Variants in CELF1 observed in about 807,000 individuals in gnomAD.
The protein encoded by CELF1 is 50 kDa nuclear polyadenylated RNA-binding protein.
In CELF1, 10 loss-of-function variants were observed where a neutral mutation model predicts 61.8. That is an observed-to-expected ratio of 0.16 (90% CI 0.10 to 0.27). The LOEUF is 0.27. CELF1 is among the 10% of genes least tolerant of loss of function. The probability of loss-of-function intolerance (pLI) is 1.00; values close to 1 mark genes in which losing one functional copy is unlikely to be tolerated. For missense variants in CELF1, 380 were observed against 639.1 expected (o/e 0.59, Z 4.37); for synonymous variants, 236 against 225.1 (o/e 1.05, Z -0.43).
chr11:47,521,243 C>G (rs59454361), intron 1 of CELF1, among the ~76,000 whole-genome samples: 2 of 152,178 alleles, frequency 1.3e-5, no homozygotes, highest in African/African-American at 4.8e-5. Flanking sequence ...CTGAGAGAGA[C>G]TCCGTCTCCA....
intron 1 of CELF1, among the ~76,000 whole-genome samples, chr11:47,508,206 A>C: frequency 6.6e-6 from 1 of 152,214 alleles, no homozygotes; most frequent in Non-Finnish European, 1.5e-5. Context: ...CAGATGGTAG[A>C]CAGCAAGTTA....
At chr11:47,549,550 TAAGTG>T (rs966369223) in intron 1 of CELF1, among the ~76,000 whole-genome samples, 5 of 152,134 alleles carry the variant, frequency 3.3e-5, no homozygotes, top group African/African-American at 1.2e-4. Flanking sequence ...GACATTACAC[TAAGTG>T]AAATAAGTCT....
At chr11:47,539,568 C>A (rs1157417821) in intron 1 of CELF1, among the ~76,000 whole-genome samples, 4 of 152,198 alleles carry the variant, frequency 2.6e-5, no homozygotes, top group African/African-American at 9.6e-5. Flanking sequence ...GAGCCATGAT[C>A]CCTGACAAGA....
At chr11:47,533,174 C>A (rs2096532588) in intron 1 of CELF1, among the ~76,000 whole-genome samples, 1 of 151,542 alleles carries the variant, frequency 6.6e-6, no homozygotes, top group Admixed American at 6.6e-5. Context: ...AGAAATAGTA[C>A]CATACAGTAT....
At chr11:47,529,879 G>T (rs541700013) in intron 1 of CELF1, among the ~76,000 whole-genome samples, 48 of 152,178 alleles carry the variant, frequency 3.2e-4, no homozygotes, top group Non-Finnish European at 6.2e-4. Flanking sequence ...AGACTGGAAT[G>T]AAGGGGACTG....
intron 1 of CELF1, among the ~76,000 whole-genome samples, chr11:47,514,314 C>A (rs1380907281): frequency 2.6e-5 from 4 of 152,130 alleles, no homozygotes; most frequent in African/African-American, 9.7e-5. Context: ...TAAACATTTT[C>A]TCGTAAGCAG....
intron 1 of CELF1, among the ~76,000 whole-genome samples, chr11:47,539,282 C>CA (rs2096715185): frequency 6.6e-6 from 1 of 152,082 alleles, no homozygotes; most frequent in African/African-American, 2.4e-5. Flanking sequence ...ACACCAAATG[C>CA]AAATATATAT....
intron 9 of CELF1, among the ~76,000 whole-genome samples, chr11:47,479,829 C>T (rs1405805936): frequency 6.6e-6 from 1 of 152,162 alleles, no homozygotes; most frequent in African/African-American, 2.4e-5. Context: ...AAACATCTGA[C>T]CTGGTTTCTC....
intron 4 of CELF1, 97 bp from the exon 5 acceptor site, chr11:47,487,338 C>A (rs2088043119): frequency 3.4e-6 from 3 of 878,746 alleles, no homozygotes; most frequent in Non-Finnish European, 3.5e-6. Context: ...TAAAAGAGGG[C>A]TGGGTTTATT....
chr11:47,550,667 T>G (rs955439803), intron 1 of CELF1, among the ~76,000 whole-genome samples: 20 of 152,198 alleles, frequency 1.3e-4, no homozygotes, highest in African/African-American at 4.8e-4. Flanking sequence ...ATGGGTGAGT[T>G]TCTTCATTTT....
rs149008755 is a variant in CELF1, at chr11:47,542,188, G to C, written c.-154+10804C>G. Among the ~76,000 whole-genome samples the C allele has an allele frequency of 9.4e-3, 1,436 of 152,136 alleles. 28 individuals are homozygous for C. The highest frequency in any genetic ancestry group is 0.033 in the African/African-American group (1,375 of 41,496). ...AGTTCGAGACCAGCCTAGCCAACAT[G>C]GTGAAACCCCATCTCTACTAAAAAT... On this transcript the variant is annotated intron_variant, in intron 1 of 14. Transcript: ENST00000687097.
chr11:47,477,890 A>C (rs945148173), intron 10 of CELF1, among the ~76,000 whole-genome samples: 1 of 152,226 alleles, frequency 6.6e-6, no homozygotes, highest in Non-Finnish European at 1.5e-5. Flanking sequence ...GCAGAGCAGC[A>C]ATGACACAAA....
chr11:47,539,710 C>G (rs906093150), intron 1 of CELF1, among the ~76,000 whole-genome samples: 1 of 152,184 alleles, frequency 6.6e-6, no homozygotes, highest in Non-Finnish European at 1.5e-5. Flanking sequence ...CTAGACCACT[C>G]CAAGAACTCC....
chr11:47,524,906 A>G (rs1170993396), intron 1 of CELF1: 1 of 152,186 alleles, frequency 6.6e-6, no homozygotes, highest in Non-Finnish European at 1.5e-5. Context: ...TGGTACTTGA[A>G]ATAAGGTTTG....
chr11:47,479,156 A>G (rs2081582766), intron 9 of CELF1, among the ~76,000 whole-genome samples: 1 of 152,166 alleles, frequency 6.6e-6, no homozygotes, highest in Non-Finnish European at 1.5e-5. Context: ...GCACTGGCCC[A>G]GAAGATAGTA....
Position 47,535,659 on chromosome 11 carries a change from A to G in CELF1, c.-154+17333T>C, listed in dbSNP as rs572347165. On this transcript the variant is annotated intron_variant, in intron 1 of 14. Transcript: ENST00000687097. ...GCACCACTGCACTCCAGCCTGGGCA[A>G]CAAGAGCGAAACCCCATCTCAAAAA... is the stretch of plus-strand genomic sequence containing the variant. 6.0e-3 allele frequency among the ~76,000 whole-genome samples: 896 copies of G among 148,472 alleles called. 5 individuals carry two copies. The highest frequency in any genetic ancestry group is 0.011 in the Non-Finnish European group (717 of 67,354).
At chr11:47,551,644 G>T (rs2097139388) in intron 1 of CELF1, among the ~76,000 whole-genome samples, 2 of 152,228 alleles carry the variant, frequency 1.3e-5, no homozygotes, top group African/African-American at 4.8e-5. Flanking sequence ...AGCTACACTT[G>T]TGGGCAAGGG....
intron 3 of CELF1, among the ~76,000 whole-genome samples, chr11:47,496,771 A>G (rs2093188499): frequency 6.6e-6 from 1 of 152,210 alleles, no homozygotes; most frequent in Non-Finnish European, 1.5e-5. Flanking sequence ...GGCAGAGTAC[A>G]GAAACAGAGA....
intron 1 of CELF1, among the ~76,000 whole-genome samples, chr11:47,506,462 A>C (rs1172267658): frequency 6.6e-6 from 1 of 152,122 alleles, no homozygotes. Flanking sequence ...ATGTTTTAAG[A>C]AAGTTGATAA....
Sources: allele counts gnomAD v4.1 joint callset (sites outside exome capture counted in the v4.1 genomes callset), GRCh38; gene constraint gnomAD v4.1.1; transcripts MANE v1.5; gene names NCBI Gene and HGNC (gene_info 2026-07-23, HGNC 2026-07-21).